The following SETBP1 variants were observed in gnomAD, a reference collection of about 807,000 sequenced individuals.
SETBP1 encodes the protein SET-binding protein.
Under a neutral mutation model 101.0 loss-of-function variants are expected in SETBP1, and 9 were observed. The ratio of observed to expected loss-of-function variants is 0.09; its 90% CI spans 0.05 to 0.16. SETBP1 has a LOEUF of 0.16. Ranked by LOEUF, SETBP1 falls within the 10% of genes least tolerant of loss-of-function variation. The pLI, the probability that SETBP1 is intolerant of heterozygous loss-of-function variation, is 1.00. For synonymous variants in SETBP1, 818 were observed against 788.5 expected, an observed-to-expected ratio of 1.04 and a Z score of -0.63; for missense variants, 1,858 against 2,033.8, an observed-to-expected ratio of 0.91 and a Z score of 1.66.
chr18:44,912,482 GTTTT>G (rs1319239752), intron 3 of SETBP1, among the ~76,000 whole-genome samples: 1 of 151,574 alleles, frequency 6.6e-6, no homozygotes, highest in Non-Finnish European at 1.5e-5. Flanking sequence ...GAAACTTTTT[GTTTT>G]TTTTGTTTGT....
rs540801169 is a variant in SETBP1, at chr18:44,951,229, C to T, written c.1889C>T (p.Ala630Val). ...TKKRKRRRNLAKLAQLVPGED... is the reference protein window; with the variant it reads ...TKKRKRRRNLVKLAQLVPGED... ...AAAAGAAAGCGACGACGCAATTTAGCGAAGTTGGCCCAGCTAGTGCCGGGA... is the reference window on the plus strand; with the variant it reads ...AAAAGAAAGCGACGACGCAATTTAGTGAAGTTGGCCCAGCTAGTGCCGGGA... Residue 630 changes from alanine to valine, a missense_variant, in exon 4 of 6, where the codon GCG (alanine) becomes GTG (valine). Around this residue, in one of 12 missense-constraint regions of SETBP1, gnomAD observed 111 missense variants for 119.3 expected, o/e 0.93. Coordinates refer to ENST00000649279, the MANE Select transcript of SETBP1 (RefSeq NM_015559.3). This position sits in a 1 kb window ranked among gnomAD's most constrained non-coding sequence, Gnocchi z 7.8. 126 of 1,614,032 alleles carry T rather than the reference C, an allele frequency of 7.8e-5. No homozygotes were observed. Among genetic ancestry groups the T allele is most frequent in the Non-Finnish European group, 9.9e-5 (117 of 1,180,044 alleles).
intron 2 of SETBP1, among the ~76,000 whole-genome samples, chr18:44,724,206 G>T (rs117806971): frequency 0.015 from 2,331 of 152,318 alleles, 25 homozygotes; most frequent in Middle Eastern, 0.034. Flanking sequence ...CAGGGAAGTT[G>T]CAGTGGTTAG....
At chr18:44,855,956 G>A (rs1297806236) in intron 2 of SETBP1, among the ~76,000 whole-genome samples, 1 of 152,160 alleles carries the variant, frequency 6.6e-6, no homozygotes, top group Non-Finnish European at 1.5e-5. Flanking sequence ...GTGCCTACGG[G>A]CAGGACTGGG....
chr18:44,944,164 T>C lies in SETBP1; in HGVS notation c.541-5717T>C, dbSNP rs565511266. On this transcript the variant is annotated intron_variant, in intron 3 of 5. Coordinates refer to ENST00000649279, the MANE Select transcript of SETBP1 (RefSeq NM_015559.3). ...GGTCCTTTCTTATCCACTCAAATCA[T>C]TGATTCTTCAGTCCACCTCACCTTC... 3.9e-5 allele frequency among the ~76,000 whole-genome samples: 6 copies of C among 152,254 alleles called. No individual in the cohort carries two copies. The East Asian group carries it at 1.2e-3, about 29-fold the overall frequency.
chr18:44,925,007 GTTTTTTTTTT>G (rs60718477), intron 3 of SETBP1, among the ~76,000 whole-genome samples: 4 of 45,970 alleles, frequency 8.7e-5, no homozygotes, highest in Admixed American at 2.4e-4. Flanking sequence ...TCCTGTGTGA[GTTTTTTTTTT>G]TTTTTTTTTT....
At chr18:44,886,888 C>T (rs2069662000) in intron 3 of SETBP1, among the ~76,000 whole-genome samples, 1 of 151,894 alleles carries the variant, frequency 6.6e-6, no homozygotes, top group African/African-American at 2.4e-5. Flanking sequence ...TCCAAAGTGA[C>T]GAATTCCTAG....
At chr18:44,811,531 G>T (rs1044882549) in intron 2 of SETBP1, among the ~76,000 whole-genome samples, 10 of 152,232 alleles carry the variant, frequency 6.6e-5, no homozygotes, top group African/African-American at 2.4e-4. Context: ...TTCTGCTGCT[G>T]TGCAGTCATA....
Position 44,868,715 on chromosome 18 carries a change from GAA to G in SETBP1, c.487-514_487-513del. ...GAGAGAGAGGACGGAAGGAAGGGAG[GAA>G]GGAAGGAAGGAAGGAAGGAAGGAAG... On this transcript the variant is annotated intron_variant, in intron 2 of 5. Coordinates refer to ENST00000649279, the MANE Select transcript of SETBP1 (RefSeq NM_015559.3). Among the ~76,000 whole-genome samples the G allele has an allele frequency of 1.3e-3, 5 of 3,958 alleles. 1 individual carries two copies. The highest frequency in any genetic ancestry group is 5.9e-3 in the Non-Finnish European group (5 of 852). 2.6% of individuals were successfully genotyped at this position (3,958 alleles called of 152,430 possible).
intron 2 of SETBP1, among the ~76,000 whole-genome samples, chr18:44,838,584 G>A (rs1179163717): frequency 2.6e-5 from 4 of 152,108 alleles, no homozygotes. Context: ...TATGACAGGT[G>A]TACCATTTAC....
chr18:44,929,823 A>G (rs1447670959), intron 3 of SETBP1, among the ~76,000 whole-genome samples: 1 of 152,320 alleles, frequency 6.6e-6, no homozygotes, highest in East Asian at 1.9e-4. Context: ...TATCAGCTTA[A>G]GGAGATTTTG....
intron 2 of SETBP1, among the ~76,000 whole-genome samples, chr18:44,748,169 A>AGGAAGGATG (rs2070301998): frequency 6.6e-6 from 1 of 152,110 alleles, no homozygotes; most frequent in African/African-American, 2.4e-5. Flanking sequence ...GAAGAAAGGA[A>AGGAAGGATG]GGAAGGATGG....
At chr18:44,800,659 A>G (rs1422264713) in intron 2 of SETBP1, among the ~76,000 whole-genome samples, 2 of 152,126 alleles carry the variant, frequency 1.3e-5, no homozygotes, top group African/African-American at 4.8e-5. Context: ...GGGAGTAGTT[A>G]TGGCTGAGGA....
At chr18:45,001,164 A>G (rs1360460676) in intron 4 of SETBP1, among the ~76,000 whole-genome samples, 8 of 152,140 alleles carry the variant, frequency 5.3e-5, no homozygotes, top group Non-Finnish European at 1.5e-5. Flanking sequence ...TTGCAGCATG[A>G]ATTGGGACTG....
chr18:44,722,654 T>C (rs1208032107), intron 2 of SETBP1, among the ~76,000 whole-genome samples: 1 of 152,150 alleles, frequency 6.6e-6, no homozygotes, highest in Non-Finnish European at 1.5e-5. Context: ...CATCACGTGC[T>C]CTGTGGATGG....
At chr18:44,811,629 A>G (rs2071864314) in intron 2 of SETBP1, among the ~76,000 whole-genome samples, 1 of 152,212 alleles carries the variant, frequency 6.6e-6, no homozygotes, top group African/African-American at 2.4e-5. Flanking sequence ...GAACTAAGGA[A>G]TGAAGGGGGT....
At chr18:44,928,119 G>C (rs186958094) in intron 3 of SETBP1, among the ~76,000 whole-genome samples, 2 of 152,004 alleles carry the variant, frequency 1.3e-5, no homozygotes, top group Non-Finnish European at 2.9e-5. Context: ...TGTGATGTTC[G>C]CACCCTGTGT....
chr18:44,987,850 A>C (rs1445182997), intron 4 of SETBP1: 1 of 152,184 alleles, frequency 6.6e-6, no homozygotes, highest in African/African-American at 2.4e-5. Context: ...GTGTTTGATT[A>C]TATGTAAATA....
intron 2 of SETBP1, among the ~76,000 whole-genome samples, chr18:44,729,938 T>G (rs1357585663): frequency 1.3e-5 from 2 of 152,310 alleles, no homozygotes; most frequent in Admixed American, 6.5e-5. Context: ...TCTGTGGAGC[T>G]GTGAGATCAG....
intron 2 of SETBP1, among the ~76,000 whole-genome samples, chr18:44,708,943 A>G (rs1180551040): frequency 1.3e-5 from 2 of 152,312 alleles, no homozygotes; most frequent in South Asian, 2.1e-4. Context: ...TCCGTCATCA[A>G]ATTGTTTCCT....
Sources: gnomAD v4.1 joint callset for allele counts (sites outside exome capture counted in the v4.1 genomes callset) on GRCh38, gnomAD v4.1.1 for gene constraint, gnomAD v4.1.1 regional missense constraint, Gnocchi (gnomAD v3.1) non-coding constraint, MANE v1.5 for transcripts, NCBI Gene and HGNC (gene_info 2026-07-23, HGNC 2026-07-21) for gene names.